LPAR1: variants seen among roughly 807,000 people sequenced by gnomAD.
LPAR1 encodes LPA receptor 1.
Under a neutral mutation model 23.8 loss-of-function variants are expected in LPAR1, and 5 were observed. That is an observed-to-expected ratio of 0.21 (90% CI 0.11 to 0.44). The LOEUF is 0.44. Among genes scored for constraint, LPAR1 ranks in the 20% least tolerant of loss-of-function variants. LPAR1 has a pLI of 0.99. For synonymous variants in LPAR1, 160 were observed against 164.7 expected (o/e 0.97, Z 0.22); for missense variants, 311 against 482.8 (o/e 0.64, Z 3.33).
intron 4 of LPAR1, among the ~76,000 whole-genome samples, chr9:110,949,962 A>C (rs999494106): frequency 2.0e-5 from 3 of 152,208 alleles, no homozygotes; most frequent in African/African-American, 4.8e-5. Flanking sequence ...TCATCTCAAA[A>C]GACATGGAAA....
intron 2 of LPAR1, among the ~76,000 whole-genome samples, chr9:110,991,055 C>A (rs2096883845): frequency 6.6e-6 from 1 of 152,082 alleles, no homozygotes; most frequent in Non-Finnish European, 1.5e-5. Context: ...CTGATTCATA[C>A]CTCATACCAT....
intron 4 of LPAR1, among the ~76,000 whole-genome samples, chr9:110,959,800 G>T (rs1292441004): frequency 6.6e-6 from 1 of 152,108 alleles, no homozygotes; most frequent in African/African-American, 2.4e-5. Flanking sequence ...TACACAATGG[G>T]ATACTATCTG....
intron 4 of LPAR1, among the ~76,000 whole-genome samples, chr9:110,944,608 A>G (rs2095306697): frequency 1.3e-5 from 2 of 152,186 alleles, no homozygotes; most frequent in Non-Finnish European, 2.9e-5. Context: ...AAGCAGAGAT[A>G]TATGCAGCTT....
chr9:111,000,809 G>A lies in LPAR1; in HGVS notation c.-181-27251C>T, dbSNP rs545222296. On this transcript the variant is annotated intron_variant, in intron 2 of 5. Coordinates refer to ENST00000683809, the MANE Select transcript of LPAR1 (RefSeq NM_001351411.2). The stretch of plus-strand genomic sequence containing the variant: ...TGTCCACAAAAATTACGAAGTGGAA[G>A]GAAGCTTTGCCACTTTTCCATTAAA... 2.6e-5 allele frequency among the ~76,000 whole-genome samples: 4 copies of A among 152,318 alleles called. No individual in the cohort carries two copies. The South Asian group carries it at 8.3e-4, about 32-fold the overall frequency.
At chr9:110,986,007 G>T (rs1002679770) in intron 2 of LPAR1, among the ~76,000 whole-genome samples, 1 of 151,982 alleles carries the variant, frequency 6.6e-6, no homozygotes, top group African/African-American at 2.4e-5. Context: ...GAAATGAGGA[G>T]GATTCCACAA....
At chr9:110,983,500 G>A (rs1369003619) in intron 2 of LPAR1, among the ~76,000 whole-genome samples, 2 of 152,004 alleles carry the variant, frequency 1.3e-5, no homozygotes, top group Non-Finnish European at 2.9e-5. Flanking sequence ...GGGGGAGAGG[G>A]ATGAATGAGA....
intron 5 of LPAR1, among the ~76,000 whole-genome samples, chr9:110,887,757 A>G (rs1459046092): frequency 1.3e-5 from 2 of 152,184 alleles, no homozygotes; most frequent in Non-Finnish European, 2.9e-5. Flanking sequence ...GACAACACCA[A>G]GTCTAAATAT....
At chr9:111,005,296 A>G (rs1211501110) in intron 2 of LPAR1, among the ~76,000 whole-genome samples, 1 of 151,186 alleles carries the variant, frequency 6.6e-6, no homozygotes, top group African/African-American at 2.4e-5. Flanking sequence ...GAGGTGGGCC[A>G]GGCGTGACGG....
At chr9:110,970,066 T>C (rs1473986796) in intron 4 of LPAR1, among the ~76,000 whole-genome samples, 1 of 152,202 alleles carries the variant, frequency 6.6e-6, no homozygotes, top group Non-Finnish European at 1.5e-5. Flanking sequence ...AACCTCTTTC[T>C]CCTTTGGGCA....
chr9:110,948,691 T>A (rs1564137638), intron 4 of LPAR1, among the ~76,000 whole-genome samples: 2 of 152,076 alleles, frequency 1.3e-5, no homozygotes, highest in Non-Finnish European at 1.5e-5. Context: ...TAAAGTATAA[T>A]AAATAGTCCT....
chr9:110,904,733 C>T (rs944734105), intron 5 of LPAR1, among the ~76,000 whole-genome samples: 2 of 152,174 alleles, frequency 1.3e-5, no homozygotes, highest in Non-Finnish European at 2.9e-5. Context: ...ATAGGAGTGG[C>T]TGGAGAAGTA....
At chr9:110,958,942 C>G (rs2095852687) in intron 4 of LPAR1, among the ~76,000 whole-genome samples, 1 of 150,468 alleles carries the variant, frequency 6.6e-6, no homozygotes, top group Non-Finnish European at 1.5e-5. Flanking sequence ...ATACAAATGC[C>G]CAGTAGGTAT....
chr9:110,975,470 T>C lies in LPAR1; in HGVS notation c.-181-1912A>G, dbSNP rs2096535539. Among the ~76,000 whole-genome samples the C allele has an allele frequency of 1.3e-5, 2 of 152,180 alleles. 1 individual carries two copies. Among genetic ancestry groups the C allele is most frequent in the South Asian group, 4.1e-4 (2 of 4,828 alleles). On this transcript the variant is annotated intron_variant, in intron 2 of 5. Coordinates refer to ENST00000683809, the MANE Select transcript of LPAR1 (RefSeq NM_001351411.2). ...GGCTTTGAAAGGTATTGTGAGGTTA[T>C]GCAACATACCCACAGTCACACAGTC...
At chr9:110,977,236 C>T (rs537704692) in intron 2 of LPAR1, among the ~76,000 whole-genome samples, 2 of 152,270 alleles carry the variant, frequency 1.3e-5, no homozygotes, top group Admixed American at 6.5e-5. Flanking sequence ...ACTTGGGGTA[C>T]ATTTAAAACA....
At chr9:110,881,802 T>G (rs2080925206) in intron 5 of LPAR1, among the ~76,000 whole-genome samples, 1 of 152,214 alleles carries the variant, frequency 6.6e-6, no homozygotes, top group Non-Finnish European at 1.5e-5. Context: ...TAAATCAATT[T>G]GCACTAAGTC....
chr9:110,922,278 C>T (rs77863626), intron 5 of LPAR1, among the ~76,000 whole-genome samples: 169 of 152,238 alleles, frequency 1.1e-3, no homozygotes, highest in African/African-American at 4.0e-3. Flanking sequence ...CTCTCAGACA[C>T]CCTCTGAACT....
intron 2 of LPAR1, among the ~76,000 whole-genome samples, chr9:110,982,289 T>C (rs533415154): frequency 6.6e-6 from 1 of 152,270 alleles, no homozygotes. Context: ...TGGAATACTA[T>C]GCAGCCATAA....
intron 2 of LPAR1, among the ~76,000 whole-genome samples, chr9:111,012,475 A>G (rs147939915): frequency 0.071 from 10,582 of 148,600 alleles, 393 homozygotes; most frequent in African/African-American, 0.085. Context: ...GCGCGCACAC[A>G]CACACACACA....
intron 5 of LPAR1, among the ~76,000 whole-genome samples, chr9:110,916,748 C>G (rs1459373740): frequency 6.6e-6 from 1 of 151,890 alleles, no homozygotes; most frequent in Non-Finnish European, 1.5e-5. Context: ...TCCCAAACCA[C>G]CCCCTAAAAA....
Sources: allele counts gnomAD v4.1 joint callset (sites outside exome capture counted in the v4.1 genomes callset), GRCh38; gene constraint gnomAD v4.1.1; transcripts MANE v1.5; gene names NCBI Gene and HGNC (gene_info 2026-07-23, HGNC 2026-07-21).